The following MCM8 variants were observed in gnomAD, a reference collection of about 807,000 sequenced individuals.
MCM8 encodes the protein DNA helicase MCM8.
A neutral mutation model predicts 98.9 loss-of-function variants in MCM8; 85 were observed. The ratio of observed to expected loss-of-function variants is 0.86; its 90% CI spans 0.72 to 1.03. MCM8 has a LOEUF of 1.03. MCM8 is among the 50% of genes least tolerant of loss of function. The probability of loss-of-function intolerance (pLI) is 0.00; values close to 1 mark genes in which losing one functional copy is unlikely to be tolerated. For missense variants in MCM8, 951 were observed against 997.8 expected, an observed-to-expected ratio of 0.95 and a Z score of 0.63; for synonymous variants, 352 against 338.6, an observed-to-expected ratio of 1.04 and a Z score of -0.44.
chr20:5,992,583 CTGTTTT>C (rs1254017727), intron 17 of MCM8, among the ~76,000 whole-genome samples: 3 of 152,140 alleles, frequency 2.0e-5, no homozygotes, highest in Admixed American at 1.3e-4. Context: ...TACCATCTTA[CTGTTTT>C]ATCATTTTTA....
rs753266024 is a variant in MCM8 at position 5,998,041 on chromosome 20, A to G, written c.*3650A>G. ...GATCTTTATAGCTCTCCTTTGATAA[A>G]GAAGGGAAATATCGTACTTACATTA... On this transcript the variant is annotated 3_prime_UTR_variant, in exon 19 of 19. Transcript: ENST00000610722. The G allele has an allele frequency of 6.6e-5, 10 of 152,258 alleles. No individual in the cohort carries two copies. The highest frequency in any genetic ancestry group is 1.3e-4 in the Non-Finnish European group (9 of 68,052). 9.4% of individuals were successfully genotyped at this position (152,258 alleles called of 1,614,324 possible).
chr20:5,952,546 C>T lies in MCM8; in HGVS notation c.253+18C>T, dbSNP rs760267722. The T allele has an allele frequency of 1.3e-6, 2 of 1,580,326 alleles. No homozygotes were observed. Among genetic ancestry groups the T allele is most frequent in the East Asian group, 2.2e-5 (1 of 44,630 alleles). ...CTCTGAAGGTAGGGTTTAAAAAGTA[C>T]AAAAAAGCACCATAAATCATATTTT... On this transcript the variant is annotated intron_variant, in intron 3 of 18. Transcript: ENST00000610722.
intron 12 of MCM8, among the ~76,000 whole-genome samples, chr20:5,974,221 C>CT (rs1223121933): frequency 6.6e-6 from 1 of 152,196 alleles, no homozygotes; most frequent in African/African-American, 2.4e-5. Flanking sequence ...CAGCTTCCAC[C>CT]TTGGGCTCAG....
At chr20:5,971,726 G>A (rs1383613216) in intron 10 of MCM8, among the ~76,000 whole-genome samples, 1 of 152,178 alleles carries the variant, frequency 6.6e-6, no homozygotes, top group Non-Finnish European at 1.5e-5. Context: ...CGCATTTTAA[G>A]GCTAGTTGTG....
intron 16 of MCM8, among the ~76,000 whole-genome samples, chr20:5,986,589 A>G (rs1301373135): frequency 6.6e-6 from 1 of 152,220 alleles, no homozygotes; most frequent in Non-Finnish European, 1.5e-5. Flanking sequence ...TGGCAGTAAA[A>G]ATTAGCTAGC....
intron 9 of MCM8, 84 bp from the exon 10 acceptor site, chr20:5,967,746 T>C: frequency 7.3e-7 from 1 of 1,367,770 alleles, no homozygotes; most frequent in Non-Finnish European, 1.0e-6. Context: ...TGTAGCTCCC[T>C]ATGACTTTGT....
In MCM8 at chr20:5,984,877, T is replaced by C; in HGVS notation, c.1830T>C (p.Ile610=). The C allele has an allele frequency of 1.2e-6, 2 of 1,614,134 alleles. No individual in the cohort carries two copies. The highest frequency in any genetic ancestry group is 1.7e-6 in the Non-Finnish European group (2 of 1,179,994). ...ATCACTTACTCTCTGAACATGTGAT[T>C]GCAATAAGAGCTGGAAAGCAGAGAA... ...HHDHLLSEHV[I]AIRAGKQRTI... is the part of the protein sequence containing the mutation. The change falls in exon 15 of 19, where the codon ATT becomes ATC. Residue 610 remains isoleucine (I), a synonymous_variant. Transcript: ENST00000610722.
intron 17 of MCM8, 62 bp from the exon 18 acceptor site, chr20:5,993,444 C>G: frequency 7.4e-7 from 1 of 1,346,940 alleles, no homozygotes; most frequent in Non-Finnish European, 9.8e-7. Flanking sequence ...ACCTGAAAGC[C>G]CAGGACAACA....
intron 17 of MCM8, 81 bp downstream of exon 17, chr20:5,987,439 T>A (rs1276303157): frequency 1.8e-6 from 2 of 1,127,486 alleles, no homozygotes; most frequent in Non-Finnish European, 2.5e-6. Flanking sequence ...CCAAGGCTAC[T>A]TTTATTTAGC....
intron 10 of MCM8, among the ~76,000 whole-genome samples, chr20:5,969,875 A>G (rs1188821135): frequency 6.6e-6 from 1 of 152,190 alleles, no homozygotes; most frequent in African/African-American, 2.4e-5. Context: ...CTGGTCGACA[A>G]TCCAAACATC....
chr20:5,969,274 C>T (rs372547656), intron 10 of MCM8, among the ~76,000 whole-genome samples: 23 of 152,088 alleles, frequency 1.5e-4, no homozygotes, highest in African/African-American at 5.3e-4. Flanking sequence ...GAACTGAGAA[C>T]GTTTTGAAAT....
At chr20:5,971,584 C>T (rs960130773) in intron 10 of MCM8, among the ~76,000 whole-genome samples, 5 of 152,122 alleles carry the variant, frequency 3.3e-5, no homozygotes, top group African/African-American at 1.2e-4. Context: ...AATTTTATCC[C>T]ATCTTAGAGT....
chr20:5,956,765 G>A lies in MCM8; in HGVS notation c.487-361G>A, dbSNP rs760330478. ...ATTTTAAAGGTCATTTTTATTTTCT[G>A]TGTCTTGATTGGTCAGTGAATATAG... On this transcript the variant is annotated intron_variant, in intron 5 of 18. Coordinates refer to ENST00000610722, the MANE Select transcript of MCM8 (RefSeq NM_032485.6). Among the ~76,000 whole-genome samples, 129 of 151,794 alleles carry A rather than the reference G, an allele frequency of 8.5e-4. 1 individual carries two copies. In the Middle Eastern group the frequency reaches 0.014, roughly 16 times the overall value.
chr20:5,963,589 C>T (rs1422029527), intron 8 of MCM8, among the ~76,000 whole-genome samples: 1 of 141,158 alleles, frequency 7.1e-6, no homozygotes, highest in Non-Finnish European at 1.5e-5. Context: ...AGTGCAGTGG[C>T]GCGATCTTGG....
At position 5,996,641 on chromosome 20, in the gene MCM8, T is replaced by C. The variant is rs186835350; in HGVS notation, c.*2250T>C. The C allele has an allele frequency of 1.7e-4, 26 of 152,320 alleles. No individual in the cohort carries two copies. In the East Asian group the frequency reaches 5.0e-3, roughly 29 times the overall value. 9.4% of individuals were successfully genotyped at this position (152,320 alleles called of 1,614,324 possible). On this transcript the variant is annotated 3_prime_UTR_variant, in exon 19 of 19. Transcript: ENST00000610722. Reference sequence around the variant, plus strand: ...GTGGTAGACAGAAGAGAAAATATACTAATTTATTGTTCAAAGAGGAAAATA... The same window carrying C: ...GTGGTAGACAGAAGAGAAAATATACCAATTTATTGTTCAAAGAGGAAAATA...
At chr20:5,953,071 A>C (rs77978352) in intron 3 of MCM8, among the ~76,000 whole-genome samples, 1 of 152,200 alleles carries the variant, frequency 6.6e-6, no homozygotes, top group Non-Finnish European at 1.5e-5. Flanking sequence ...GGTGCTTGGA[A>C]CTGGAGGCTA....
rs1232977120 is a variant in MCM8, at chr20:5,998,754, CTA to C, written c.*4366_*4367del. On this transcript the variant is annotated 3_prime_UTR_variant, in exon 19 of 19. Coordinates refer to ENST00000610722, the MANE Select transcript of MCM8 (RefSeq NM_032485.6). Reference sequence around the variant, plus strand: ...TAAAGCACTCCACCTGGGTCATGTACTATACTTAAAATTATAAGGCAATATTA... The same window carrying C: ...TAAAGCACTCCACCTGGGTCATGTACTACTTAAAATTATAAGGCAATATTA... The C allele has an allele frequency of 6.6e-6, 1 of 152,184 alleles. No individual in the cohort carries two copies. Among genetic ancestry groups the C allele is most frequent in the African/African-American group, 2.4e-5 (1 of 41,438 alleles). 9.4% of individuals were successfully genotyped at this position (152,184 alleles called of 1,614,324 possible). A position where few individuals can be genotyped will look rare whatever the true frequency, so the allele number is the denominator to read the frequency against.
At chr20:5,953,350 C>G (rs780631057) in intron 3 of MCM8, among the ~76,000 whole-genome samples, 3 of 151,744 alleles carry the variant, frequency 2.0e-5, no homozygotes, top group African/African-American at 7.3e-5. Context: ...TTAGGAATAC[C>G]AATTAACCTA....
chr20:5,955,208 C>G lies in MCM8; in HGVS notation c.443C>G (p.Ala148Gly). The G allele has an allele frequency of 3.1e-6, 5 of 1,613,800 alleles. No individual in the cohort carries two copies. Among genetic ancestry groups the G allele is most frequent in the Non-Finnish European group, 4.2e-6 (5 of 1,179,860 alleles). Residue 148 changes from alanine to glycine, a missense_variant, in exon 5 of 19, where the codon GCA becomes GGA. Ala to Gly is a moderately conservative substitution (Grantham distance 60, BLOSUM62 0). Coordinates refer to ENST00000610722, the MANE Select transcript of MCM8 (RefSeq NM_032485.6). ...IPDIATELRDAPEKTLACMGL... is the reference protein window; with the variant it reads ...IPDIATELRDGPEKTLACMGL... ...GATATAGCAACTGAACTAAGAGATGCACCTGAGAAAACCTTGGCTTGCATG... is the reference window on the plus strand; with the variant it reads ...GATATAGCAACTGAACTAAGAGATGGACCTGAGAAAACCTTGGCTTGCATG...
Sources: allele counts gnomAD v4.1 joint callset (sites outside exome capture counted in the v4.1 genomes callset), GRCh38; gene constraint gnomAD v4.1.1; transcripts MANE v1.5; gene names NCBI Gene and HGNC (gene_info 2026-07-23, HGNC 2026-07-21).